The following TMCC1 variants were observed in gnomAD, a reference collection of about 807,000 sequenced individuals.
TMCC1 encodes transmembrane and coiled-coil domain family 1.
TMCC1 carries 15 observed loss-of-function variants against 52.4 expected under a neutral mutation model. The ratio of observed to expected loss-of-function variants is 0.29; its 90% CI spans 0.19 to 0.44. TMCC1 has a LOEUF of 0.44. Ranked by LOEUF, TMCC1 falls within the 20% of genes least tolerant of loss-of-function variation. The pLI is 1.00. For missense variants in TMCC1, 503 were observed against 806.0 expected (o/e 0.62, Z 4.55); for synonymous variants, 279 against 301.9 (o/e 0.92, Z 0.79).
chr3:129,828,064 G>A lies in TMCC1; in HGVS notation c.315C>T (p.Val105=). ...VPTHPTALNR[V]LQQIRVPPKM... is the part of the protein sequence containing the mutation. ...TGGGTGGCACTCGAATCTGCTGCAG[G>A]ACACGATTCAGAGCTGTGGGGTGGG... The change falls in exon 4 of 7, where the codon GTC becomes GTT. Residue 105 remains valine, a synonymous_variant. Transcript: ENST00000393238. The surrounding 1 kb of genome is among the most constrained non-coding windows in gnomAD (Gnocchi z 4.1). The A allele has an allele frequency of 1.2e-6, 2 of 1,614,148 alleles. No individual in the cohort carries two copies. The highest frequency in any genetic ancestry group is 1.7e-6 in the Non-Finnish European group (2 of 1,180,026).
chr3:129,877,522 A>G (rs1397439551), intron 2 of TMCC1, among the ~76,000 whole-genome samples: 2 of 152,122 alleles, frequency 1.3e-5, no homozygotes, highest in Non-Finnish European at 2.9e-5. Flanking sequence ...CTGGATTTAA[A>G]TATAATCTAT....
chr3:129,756,687 G>A (rs1379672678), intron 4 of TMCC1, among the ~76,000 whole-genome samples: 1 of 152,268 alleles, frequency 6.6e-6, no homozygotes, highest in East Asian at 1.9e-4. Context: ...GTGAGCCACC[G>A]CACCCGGCCA....
intron 4 of TMCC1, among the ~76,000 whole-genome samples, chr3:129,774,458 A>G (rs995230845): frequency 1.3e-5 from 2 of 152,210 alleles, no homozygotes; most frequent in Non-Finnish European, 2.9e-5. Context: ...TAGAAGCTGG[A>G]AATAAAATGG....
intron 2 of TMCC1, among the ~76,000 whole-genome samples, chr3:129,868,720 G>A (rs1401900670): frequency 6.6e-5 from 10 of 152,182 alleles, no homozygotes; most frequent in Non-Finnish European, 1.2e-4. Flanking sequence ...GATTACAGGC[G>A]TGAGCCACTG....
intron 4 of TMCC1, among the ~76,000 whole-genome samples, chr3:129,807,196 A>G (rs1169566027): frequency 6.6e-6 from 1 of 152,204 alleles, no homozygotes; most frequent in Admixed American, 6.5e-5. Flanking sequence ...GTACTGAAAT[A>G]TATAATTTAG....
intron 2 of TMCC1, among the ~76,000 whole-genome samples, chr3:129,849,267 A>T (rs1041594448): frequency 2.6e-5 from 4 of 152,156 alleles, no homozygotes; most frequent in Non-Finnish European, 5.9e-5. Flanking sequence ...GTTCGAGACC[A>T]GCCTGGCCAA....
At chr3:129,815,589 A>T (rs1256475394) in intron 4 of TMCC1, among the ~76,000 whole-genome samples, 7 of 152,298 alleles carry the variant, frequency 4.6e-5, no homozygotes, top group African/African-American at 1.7e-4. Flanking sequence ...CATATACAAA[A>T]ATCAAATCAA....
chr3:129,704,533 C>T (rs2108980775), intron 4 of TMCC1, among the ~76,000 whole-genome samples: 1 of 152,302 alleles, frequency 6.6e-6, no homozygotes, highest in South Asian at 2.1e-4. Flanking sequence ...ATTCTCCTGC[C>T]TCAGCCTCCT....
At chr3:129,721,081 T>A (rs541654780) in intron 4 of TMCC1, among the ~76,000 whole-genome samples, 20 of 152,212 alleles carry the variant, frequency 1.3e-4, no homozygotes, top group Admixed American at 2.6e-4. Context: ...TTCCTGCCAC[T>A]CTTCCCTCTC....
At chr3:129,778,014 TAGTGATCAAGGCTCC>T (rs999845146) in intron 4 of TMCC1, among the ~76,000 whole-genome samples, 2 of 152,176 alleles carry the variant, frequency 1.3e-5, no homozygotes, top group Non-Finnish European at 2.9e-5. Flanking sequence ...GCCTAAACTC[TAGTGATCAAGGCTCC>T]AGTGATATCT....
rs1222188264 is a variant in TMCC1 at position 129,679,128 on chromosome 3, C to T, written c.577-7864G>A. ...CACTGGCATCAGCTACAGTGGCCTC[C>T]CCTGTTGTTCCTGGAACATGAGAGA... On this transcript the variant is annotated intron_variant, in intron 4 of 6. Transcript: ENST00000393238. Among the ~76,000 whole-genome samples the T allele has an allele frequency of 2.0e-5, 3 of 152,158 alleles. No homozygotes were observed. The South Asian group carries it at 6.2e-4, about 32-fold the overall frequency.
At chr3:129,675,129 C>T (rs1045306990) in intron 4 of TMCC1, among the ~76,000 whole-genome samples, 8 of 152,128 alleles carry the variant, frequency 5.3e-5, no homozygotes, top group East Asian at 3.9e-4. Context: ...CCACTGTGCC[C>T]GGCCATAAAA....
intron 2 of TMCC1, among the ~76,000 whole-genome samples, chr3:129,866,343 TATATATACATAATATATA>T (rs2060643705): frequency 7.2e-6 from 1 of 138,548 alleles, no homozygotes; most frequent in African/African-American, 2.8e-5. Flanking sequence ...TAATATATAT[TATATATACATAATATATA>T]TTTTATATAT....
At chr3:129,889,655 G>A (rs758979945) in intron 1 of TMCC1, among the ~76,000 whole-genome samples, 36 of 152,088 alleles carry the variant, frequency 2.4e-4, no homozygotes, top group Admixed American at 1.0e-3. Context: ...TATGATCAAC[G>A]GCATCCCTGG....
intron 4 of TMCC1, among the ~76,000 whole-genome samples, chr3:129,799,138 A>G (rs749955350): frequency 1.3e-5 from 2 of 152,206 alleles, no homozygotes; most frequent in Non-Finnish European, 2.9e-5. Flanking sequence ...GTGAGGGTTG[A>G]TTTAAAGGGC....
intron 2 of TMCC1, among the ~76,000 whole-genome samples, chr3:129,837,820 T>A (rs1453100406): frequency 6.6e-6 from 1 of 151,994 alleles, no homozygotes; most frequent in Admixed American, 6.6e-5. Context: ...AAATGAAAAT[T>A]ATAAAAAATC....
At chr3:129,734,779 A>G (rs1190604674) in intron 4 of TMCC1, among the ~76,000 whole-genome samples, 1 of 152,250 alleles carries the variant, frequency 6.6e-6, no homozygotes, top group East Asian at 1.9e-4. Context: ...GAGGAATGGT[A>G]CACAAAAAAA....
intron 4 of TMCC1, among the ~76,000 whole-genome samples, chr3:129,753,606 G>A (rs1004337056): frequency 3.3e-5 from 5 of 152,084 alleles, no homozygotes; most frequent in Admixed American, 3.3e-4. Context: ...AAAACCAGAT[G>A]TTATATCAAT....
chr3:129,818,712 T>G (rs2058256317), intron 4 of TMCC1, among the ~76,000 whole-genome samples: 1 of 151,984 alleles, frequency 6.6e-6, no homozygotes, highest in Non-Finnish European at 1.5e-5. Context: ...GAGCACTGAT[T>G]TAAAAAACAA....
Sources: allele counts gnomAD v4.1 joint callset (sites outside exome capture counted in the v4.1 genomes callset), GRCh38; gene constraint gnomAD v4.1.1; non-coding constraint Gnocchi (gnomAD v3.1); transcripts MANE v1.5; gene names NCBI Gene and HGNC (gene_info 2026-07-23, HGNC 2026-07-21).